The following LRTM1 variants were observed in gnomAD, a reference collection of about 807,000 sequenced individuals.
LRTM1 encodes leucine-rich repeat and transmembrane domain-containing protein 1.
LRTM1 carries 38 observed loss-of-function variants against 32.4 expected under a neutral mutation model. The observed-to-expected ratio is 1.17, with a 90% CI of 0.91 to 1.54. The LOEUF (loss-of-function observed/expected upper bound fraction) is 1.54. LRTM1 is among the 40% of genes most tolerant of loss of function. The probability of loss-of-function intolerance (pLI) is 0.00; values close to 1 mark genes in which losing one functional copy is unlikely to be tolerated. For synonymous variants in LRTM1, 186 were observed against 169.9 expected, an observed-to-expected ratio of 1.09 and a Z score of -0.74; for missense variants, 466 against 415.4, an observed-to-expected ratio of 1.12 and a Z score of -1.06.
intron 1 of LRTM1, among the ~76,000 whole-genome samples, chr3:54,941,767 G>A (rs775560368): frequency 2.0e-5 from 3 of 152,156 alleles, no homozygotes; most frequent in Non-Finnish European, 4.4e-5. Context: ...ACCTCTAGAG[G>A]AAGGGACATT....
chr3:54,920,071 G>A (rs907533366), intron 2 of LRTM1, among the ~76,000 whole-genome samples: 4 of 152,208 alleles, frequency 2.6e-5, no homozygotes, highest in African/African-American at 9.7e-5. Context: ...TAGGCCAGCC[G>A]AAAAGACTGG....
intron 2 of LRTM1, among the ~76,000 whole-genome samples, chr3:54,919,656 C>T (rs564065873): frequency 3.9e-5 from 6 of 152,332 alleles, no homozygotes; most frequent in African/African-American, 1.4e-4. Context: ...AGCTAGCAGA[C>T]TGAAGTCTAG....
chr3:54,932,647 T>C (rs2106959671), upstream of LRTM1, among the ~76,000 whole-genome samples: 1 of 152,320 alleles, frequency 6.6e-6, no homozygotes. Flanking sequence ...ACAGGTAACA[T>C]CTGTCTTTCT....
chr3:54,931,012 C>A (rs1364820913), upstream of LRTM1, among the ~76,000 whole-genome samples: 1 of 152,208 alleles, frequency 6.6e-6, no homozygotes, highest in Non-Finnish European at 1.5e-5. Flanking sequence ...AGGAGAATCG[C>A]TTGAACCCAG....
At chr3:54,934,254 C>G (rs1279242658) in intron 1 of LRTM1, among the ~76,000 whole-genome samples, 1 of 152,150 alleles carries the variant, frequency 6.6e-6, no homozygotes, top group Non-Finnish European at 1.5e-5. Flanking sequence ...TTACACAACC[C>G]ATTCTTTTGA....
chr3:54,931,858 CT>C (rs1161179733), upstream of LRTM1, among the ~76,000 whole-genome samples: 2 of 152,150 alleles, frequency 1.3e-5, no homozygotes, highest in African/African-American at 4.8e-5. Context: ...TGTAATAGCT[CT>C]TTCTCCCAGG....
At position 54,918,528 on chromosome 3, in the gene LRTM1, T is replaced by TC; in HGVS notation, c.968dup (p.Pro324ThrfsTer7). 1 of 1,613,900 alleles carries TC rather than the reference T, an allele frequency of 6.2e-7. No homozygotes were observed. Among genetic ancestry groups the TC allele is most frequent in the South Asian group, 1.1e-5 (1 of 91,072 alleles). On this transcript the variant is annotated frameshift_variant, in exon 3 of 3. Transcript: ENST00000273286. LOFTEE classifies it high-confidence loss of function. ...CAGGATCATTGGTTTGAGCCAAGGG[T>TC]CCCCCATGGTACTGGGCTGTGATTG... is the stretch of plus-strand genomic sequence containing the variant.
At chr3:54,950,644 A>G (rs1197819906) in intron 1 of LRTM1, among the ~76,000 whole-genome samples, 1 of 152,206 alleles carries the variant, frequency 6.6e-6, no homozygotes, top group Non-Finnish European at 1.5e-5. Context: ...GTGGCAGGGC[A>G]GCCTCAACAG....
intron 1 of LRTM1, among the ~76,000 whole-genome samples, chr3:54,934,727 G>A (rs1265570978): frequency 2.0e-5 from 3 of 151,962 alleles, no homozygotes; most frequent in African/African-American, 7.3e-5. Context: ...GTTTTGTTTT[G>A]TTTTTTTGTG....
intron 1 of LRTM1, among the ~76,000 whole-genome samples, chr3:54,966,140 G>A (rs1329593382): frequency 2.0e-5 from 3 of 152,130 alleles, no homozygotes; most frequent in Non-Finnish European, 2.9e-5. Flanking sequence ...GGGGGTGGGG[G>A]TCTCAGAAAG....
At chr3:54,928,226 G>T (rs75510138), upstream of LRTM1, among the ~76,000 whole-genome samples, 1 of 152,082 alleles carries the variant, frequency 6.6e-6, no homozygotes, top group Non-Finnish European at 1.5e-5. Context: ...GATGAGCCGC[G>T]TAAAGAATGT....
chr3:54,952,073 C>T (rs535671642), intron 1 of LRTM1, among the ~76,000 whole-genome samples: 2 of 152,160 alleles, frequency 1.3e-5, no homozygotes, highest in Non-Finnish European at 2.9e-5. Context: ...CTCACAAACT[C>T]GTGGCCTCAA....
chr3:54,966,365 T>G (rs763391668), intron 1 of LRTM1, among the ~76,000 whole-genome samples: 9 of 152,184 alleles, frequency 5.9e-5, no homozygotes, highest in Non-Finnish European at 8.8e-5. Flanking sequence ...AAAATCAGCT[T>G]CTTTCAGGCA....
intron 2 of LRTM1, among the ~76,000 whole-genome samples, chr3:54,920,033 C>G (rs1442042006): frequency 6.6e-6 from 1 of 152,166 alleles, no homozygotes; most frequent in East Asian, 1.9e-4. Flanking sequence ...GCACCTTGGC[C>G]CTCTCAGGCT....
At chr3:54,929,490 G>A (rs937224645), upstream of LRTM1, among the ~76,000 whole-genome samples, 2 of 152,094 alleles carry the variant, frequency 1.3e-5, no homozygotes, top group African/African-American at 4.8e-5. Context: ...ATCAAATTTT[G>A]ATTATTTTCA....
intron 1 of LRTM1, among the ~76,000 whole-genome samples, chr3:54,943,080 T>C (rs1369847337): frequency 6.6e-6 from 1 of 151,848 alleles, no homozygotes; most frequent in Non-Finnish European, 1.5e-5. Flanking sequence ...CAGGTGCCTG[T>C]AGTCCCAGCT....
At chr3:54,929,074 C>T (rs997690975), upstream of LRTM1, among the ~76,000 whole-genome samples, 1 of 152,118 alleles carries the variant, frequency 6.6e-6, no homozygotes, top group Admixed American at 6.5e-5. Context: ...ATCCTTGGCT[C>T]CAGGAGGTAT....
At chr3:54,920,301 A>G (rs960868104) in intron 2 of LRTM1, among the ~76,000 whole-genome samples, 5 of 152,196 alleles carry the variant, frequency 3.3e-5, no homozygotes, top group African/African-American at 1.2e-4. Context: ...GATAGGGCCT[A>G]TCTTGCAGTG....
chr3:54,958,979 T>TATTAC (rs1468056513), intron 1 of LRTM1, among the ~76,000 whole-genome samples: 1 of 152,106 alleles, frequency 6.6e-6, no homozygotes, highest in Non-Finnish European at 1.5e-5. Flanking sequence ...CACATGCCTG[T>TATTAC]AGTCCTAGCT....
Sources: gnomAD v4.1 joint callset for allele counts (sites outside exome capture counted in the v4.1 genomes callset) on GRCh38, gnomAD v4.1.1 for gene constraint, MANE v1.5 for transcripts, NCBI Gene and HGNC (gene_info 2026-07-23, HGNC 2026-07-21) for gene names.